Variants in CNTN5 observed in about 807,000 individuals in gnomAD.
CNTN5 encodes the protein contactin-5.
CNTN5 carries 77 observed loss-of-function variants against 129.1 expected under a neutral mutation model. The observed-to-expected ratio is 0.60, with a 90% CI of 0.50 to 0.72. CNTN5 has a LOEUF of 0.72. Among genes scored for constraint, CNTN5 ranks in the 30% least tolerant of loss-of-function variants. The pLI is 0.00. For missense variants in CNTN5, 1,478 were observed against 1,328.8 expected, an observed-to-expected ratio of 1.11 and a Z score of -1.75; for synonymous variants, 509 against 465.6, an observed-to-expected ratio of 1.09 and a Z score of -1.20.
chr11:99,308,038 G>T (rs1864949127), intron 1 of CNTN5, among the ~76,000 whole-genome samples: 1 of 152,296 alleles, frequency 6.6e-6, no homozygotes, highest in Admixed American at 6.5e-5. Flanking sequence ...ATGCACTGCT[G>T]CATCAACTTA....
chr11:99,438,234 C>T (rs1474770512), intron 2 of CNTN5, among the ~76,000 whole-genome samples: 3 of 152,152 alleles, frequency 2.0e-5, no homozygotes, highest in Non-Finnish European at 4.4e-5. Context: ...AATTTATTTA[C>T]ATGCATATTT....
chr11:99,294,424 A>G (rs1232422407), intron 1 of CNTN5, among the ~76,000 whole-genome samples: 1 of 152,234 alleles, frequency 6.6e-6, no homozygotes, highest in Non-Finnish European at 1.5e-5. Flanking sequence ...TACAATGAGT[A>G]TGAAAAATAC....
At chr11:99,764,717 A>G (rs1944696232) in intron 3 of CNTN5, among the ~76,000 whole-genome samples, 1 of 152,174 alleles carries the variant, frequency 6.6e-6, no homozygotes, top group African/African-American at 2.4e-5. Flanking sequence ...TATTTAATGC[A>G]ATACATTCAA....
At chr11:99,099,502 C>T (rs1252562054) in intron 1 of CNTN5, among the ~76,000 whole-genome samples, 2 of 152,006 alleles carry the variant, frequency 1.3e-5, no homozygotes, top group East Asian at 1.9e-4. Context: ...CATAGTCACA[C>T]TGTGTCACCC....
chr11:100,276,510 A>T (rs75332918), intron 18 of CNTN5, among the ~76,000 whole-genome samples: 12 of 121,364 alleles, frequency 9.9e-5, no homozygotes, highest in Admixed American at 5.7e-4. Flanking sequence ...AGCCTGGGTG[A>T]CAGAGTGAGA....
intron 3 of CNTN5, among the ~76,000 whole-genome samples, chr11:99,611,309 A>G (rs1042876993): frequency 3.3e-5 from 5 of 152,162 alleles, no homozygotes; most frequent in Non-Finnish European, 7.4e-5. Flanking sequence ...GATACATTCT[A>G]AAAGCTTTTC....
At chr11:99,383,876 G>T (rs74341429) in intron 2 of CNTN5, among the ~76,000 whole-genome samples, 18,714 of 151,958 alleles carry the variant, frequency 0.12, 1,246 homozygotes, top group Non-Finnish European at 0.16. Flanking sequence ...AGGACTGCTG[G>T]GTACAGCACT....
intron 3 of CNTN5, among the ~76,000 whole-genome samples, chr11:99,722,229 C>T (rs1177875183): frequency 6.6e-6 from 1 of 152,122 alleles, no homozygotes; most frequent in African/African-American, 2.4e-5. Flanking sequence ...GTGGAATCAA[C>T]CTAAATTTCC....
chr11:99,710,256 A>T (rs899030508), intron 3 of CNTN5, among the ~76,000 whole-genome samples: 1 of 151,818 alleles, frequency 6.6e-6, no homozygotes, highest in Non-Finnish European at 1.5e-5. Context: ...CTGCGTCAAG[A>T]ATCCTATGCA....
chr11:99,082,949 G>C (rs1231575865), intron 1 of CNTN5, among the ~76,000 whole-genome samples: 5 of 151,882 alleles, frequency 3.3e-5, no homozygotes, highest in Non-Finnish European at 5.9e-5. Context: ...GTTAATTCTA[G>C]ATTTTAGGAT....
intron 3 of CNTN5, among the ~76,000 whole-genome samples, chr11:99,576,291 G>C (rs1949348405): frequency 6.6e-6 from 1 of 152,086 alleles, no homozygotes; most frequent in Non-Finnish European, 1.5e-5. Context: ...TAAGGTATAT[G>C]GAATGCTGAA....
chr11:99,375,055 C>A (rs1940081541), intron 2 of CNTN5, among the ~76,000 whole-genome samples: 1 of 152,048 alleles, frequency 6.6e-6, no homozygotes, highest in Non-Finnish European at 1.5e-5. Flanking sequence ...GTAATCCCAG[C>A]CCTTTGGGAT....
At chr11:99,281,977 A>G (rs569266816) in intron 1 of CNTN5, among the ~76,000 whole-genome samples, 1 of 151,970 alleles carries the variant, frequency 6.6e-6, no homozygotes, top group East Asian at 1.9e-4. Flanking sequence ...TTATCAAGCT[A>G]TAAGTAGTCT....
At chr11:99,763,977 GATTTCAAATAACC>G (rs1457619804) in intron 3 of CNTN5, among the ~76,000 whole-genome samples, 1 of 151,932 alleles carries the variant, frequency 6.6e-6, no homozygotes, top group Non-Finnish European at 1.5e-5. Context: ...AATTATTGTG[GATTTCAAATAACC>G]ATGATATTTA....
chr11:99,028,127 G>A (rs1863185734), intron 1 of CNTN5, among the ~76,000 whole-genome samples: 1 of 151,710 alleles, frequency 6.6e-6, no homozygotes, highest in Non-Finnish European at 1.5e-5. Context: ...GTAAGAAGGA[G>A]TAGTTATCTG....
intron 2 of CNTN5, among the ~76,000 whole-genome samples, chr11:99,531,962 GTCCC>G (rs1449761819): frequency 1.3e-5 from 2 of 152,096 alleles, no homozygotes; most frequent in African/African-American, 4.8e-5. Context: ...CCCACACAGA[GTCCC>G]TTCTGGGGCA....
chr11:99,041,016 G>A (rs1335684126), intron 1 of CNTN5, among the ~76,000 whole-genome samples: 1 of 152,082 alleles, frequency 6.6e-6, no homozygotes, highest in Non-Finnish European at 1.5e-5. Context: ...AGAAAGAAGT[G>A]TAAAGTTTGT....
intron 13 of CNTN5, among the ~76,000 whole-genome samples, chr11:100,123,942 G>A (rs939019686): frequency 2.6e-5 from 4 of 151,980 alleles, no homozygotes; most frequent in African/African-American, 7.2e-5. Context: ...TGAGCCTACA[G>A]TGAAGAGCTG....
At chr11:99,608,357 T>G (rs1436146730) in intron 3 of CNTN5, among the ~76,000 whole-genome samples, 1 of 152,106 alleles carries the variant, frequency 6.6e-6, no homozygotes, top group Non-Finnish European at 1.5e-5. Flanking sequence ...ACAGTAAGAT[T>G]AGACTAGGTA....
Sources: gnomAD v4.1 joint callset for allele counts (sites outside exome capture counted in the v4.1 genomes callset) on GRCh38, gnomAD v4.1.1 for gene constraint, MANE v1.5 for transcripts, NCBI Gene and HGNC (gene_info 2026-07-23, HGNC 2026-07-21) for gene names.